The following NR2F1-AS1 variants were observed in gnomAD, a reference collection of about 807,000 sequenced individuals.
The protein encoded by NR2F1-AS1 is NR2F1 antisense RNA 1.
intron 4 of NR2F1-AS1, among the ~76,000 whole-genome samples, chr5:93,485,688 T>G (rs944893734): frequency 7.9e-5 from 12 of 152,164 alleles, no homozygotes; most frequent in African/African-American, 2.9e-4. Flanking sequence ...GTTCAAACAT[T>G]GTGGAAGTCA....
intron 4 of NR2F1-AS1, among the ~76,000 whole-genome samples, chr5:93,503,058 T>C (rs1751117128): frequency 6.6e-6 from 1 of 152,196 alleles, no homozygotes; most frequent in South Asian, 2.1e-4. Context: ...TTACCTCATT[T>C]TCTAGTTTTG....
At chr5:93,536,680 T>C (rs1751845740) in intron 4 of NR2F1-AS1, among the ~76,000 whole-genome samples, 1 of 152,124 alleles carries the variant, frequency 6.6e-6, no homozygotes, top group Non-Finnish European at 1.5e-5. Flanking sequence ...GAATAAACAT[T>C]ACAAAAAAGA....
intron 4 of NR2F1-AS1, among the ~76,000 whole-genome samples, chr5:93,453,967 A>T (rs1287459443): frequency 6.6e-6 from 1 of 152,236 alleles, no homozygotes; most frequent in Non-Finnish European, 1.5e-5. Flanking sequence ...TGTTTTCCTC[A>T]TATTTTAATC....
At chr5:93,547,761 T>C (rs1307299470) in intron 4 of NR2F1-AS1, among the ~76,000 whole-genome samples, 1 of 152,172 alleles carries the variant, frequency 6.6e-6, no homozygotes, top group Non-Finnish European at 1.5e-5. Context: ...CCAGATACTA[T>C]TTAAAACCTG....
At chr5:93,567,677 G>A (rs893271201) in intron 1 of NR2F1-AS1, among the ~76,000 whole-genome samples, 5 of 152,084 alleles carry the variant, frequency 3.3e-5, no homozygotes, top group African/African-American at 1.2e-4. Context: ...AGAGCCCTGG[G>A]GGATATCACA....
intron 4 of NR2F1-AS1, among the ~76,000 whole-genome samples, chr5:93,485,827 G>A (rs543094755): frequency 3.6e-3 from 528 of 148,148 alleles, no homozygotes; most frequent in African/African-American, 6.7e-3. Flanking sequence ...TGTTTATTGC[G>A]GCATTATTCA....
Position 93,481,712 on chromosome 5 carries a change from TACA to T in NR2F1-AS1, n.638+72046_638+72048del, listed in dbSNP as rs544384979. 2.6e-3 allele frequency among the ~76,000 whole-genome samples: 389 copies of T among 152,086 alleles called. 1 individual carries two copies. The highest frequency in any genetic ancestry group is 8.4e-3 in the African/African-American group (347 of 41,484). On this transcript the variant is annotated intron_variant and non_coding_transcript_variant, in intron 4 of 5. Coordinates refer to ENST00000660523, the Ensembl canonical transcript of NR2F1-AS1. ...TATATAAATCACACCAAGTATCTTC[TACA>T]ACAACAATGAAATGAAGCTAGAAAT... is the stretch of plus-strand genomic sequence containing the variant.
intron 4 of NR2F1-AS1, among the ~76,000 whole-genome samples, chr5:93,523,638 G>A (rs1026471623): frequency 7.9e-5 from 12 of 152,166 alleles, no homozygotes; most frequent in Admixed American, 2.6e-4. Flanking sequence ...CCTCTGGGAC[G>A]AAGCTTCCAG....
chr5:93,491,153 A>ATGGTGG (rs1370702751), intron 4 of NR2F1-AS1, among the ~76,000 whole-genome samples: 1 of 134,858 alleles, frequency 7.4e-6, no homozygotes, highest in Non-Finnish European at 1.6e-5. Flanking sequence ...GGTGGTGTTT[A>ATGGTGG]TGGTGGTTGT....
chr5:93,488,804 T>C (rs1405983925), intron 4 of NR2F1-AS1, among the ~76,000 whole-genome samples: 3 of 152,182 alleles, frequency 2.0e-5, no homozygotes, highest in Non-Finnish European at 2.9e-5. Flanking sequence ...CACACATATG[T>C]TTATTGCAGC....
intron 4 of NR2F1-AS1, among the ~76,000 whole-genome samples, chr5:93,497,569 C>A (rs921499499): frequency 2.0e-5 from 3 of 152,046 alleles, no homozygotes; most frequent in Admixed American, 2.0e-4. Context: ...AACTACAGGA[C>A]CTGGAATTAT....
At chr5:93,510,498 T>C (rs1049827351) in intron 4 of NR2F1-AS1, among the ~76,000 whole-genome samples, 2 of 152,108 alleles carry the variant, frequency 1.3e-5, no homozygotes, top group Admixed American at 1.3e-4. Flanking sequence ...GGCTAGTCAA[T>C]GATCCATGGT....
chr5:93,564,204 G>A (rs543940698), intron 1 of NR2F1-AS1, among the ~76,000 whole-genome samples: 51 of 137,938 alleles, frequency 3.7e-4, no homozygotes, highest in South Asian at 1.5e-3. Flanking sequence ...TATTAGCAGC[G>A]TCACCCACCC....
chr5:93,452,098 A>G (rs1749843457), intron 4 of NR2F1-AS1, among the ~76,000 whole-genome samples: 1 of 152,192 alleles, frequency 6.6e-6, no homozygotes. Context: ...GAAATACACT[A>G]TGTTTTAAAA....
chr5:93,574,346 C>G (rs959315548), intron 1 of NR2F1-AS1, among the ~76,000 whole-genome samples: 1 of 152,092 alleles, frequency 6.6e-6, no homozygotes, highest in Non-Finnish European at 1.5e-5. Context: ...AGACAGTAAC[C>G]GGAGAAAACT....
intron 4 of NR2F1-AS1, among the ~76,000 whole-genome samples, chr5:93,526,891 T>G (rs1751630251): frequency 1.3e-5 from 2 of 152,154 alleles, no homozygotes; most frequent in Admixed American, 1.3e-4. Context: ...GCCAATATCA[T>G]ACTGAATGGG....
intron 4 of NR2F1-AS1, among the ~76,000 whole-genome samples, chr5:93,488,440 C>T (rs1750771510): frequency 6.6e-6 from 1 of 152,190 alleles, no homozygotes; most frequent in African/African-American, 2.4e-5. Context: ...GACTTATGAA[C>T]AGACACTTCT....
intron 4 of NR2F1-AS1, chr5:93,410,172 G>A (rs971938200): frequency 6.6e-6 from 1 of 152,158 alleles, no homozygotes; most frequent in Non-Finnish European, 1.5e-5. Flanking sequence ...TATGGAACAC[G>A]AAGGACAATG....
chr5:93,560,463 C>T (rs561890347), intron 2 of NR2F1-AS1, among the ~76,000 whole-genome samples: 3 of 152,164 alleles, frequency 2.0e-5, no homozygotes, highest in Non-Finnish European at 2.9e-5. Context: ...TTGGCTTTGT[C>T]GTTGACATTA....
Sources: gnomAD v4.1 joint callset for allele counts (sites outside exome capture counted in the v4.1 genomes callset) on GRCh38, gnomAD v4.1.1 for gene constraint, MANE v1.5 for transcripts, NCBI Gene and HGNC (gene_info 2026-07-23, HGNC 2026-07-21) for gene names.